The following ZNF366 variants were observed in gnomAD, a reference collection of about 807,000 sequenced individuals.
ZNF366 encodes zinc finger protein 366, also known as dendritic cell-specific transcript protein.
A neutral mutation model predicts 47.2 loss-of-function variants in ZNF366; 20 were observed. That is an observed-to-expected ratio of 0.42 (90% CI 0.30 to 0.62). ZNF366 has a LOEUF of 0.62. Among genes scored for constraint, ZNF366 ranks in the 20% least tolerant of loss-of-function variants. The probability of loss-of-function intolerance (pLI) is 0.16; values close to 1 mark genes in which losing one functional copy is unlikely to be tolerated. For synonymous variants in ZNF366, 421 were observed against 395.1 expected (o/e 1.07, Z -0.78); for missense variants, 987 against 976.3 (o/e 1.01, Z -0.15).
At chr5:72,447,998 C>T (rs941210251) in intron 3 of ZNF366, among the ~76,000 whole-genome samples, 10 of 152,172 alleles carry the variant, frequency 6.6e-5, no homozygotes. Flanking sequence ...AACCACCAGA[C>T]CATACTGTGC....
At chr5:72,506,735 T>C (rs77953046) in intron 1 of ZNF366, among the ~76,000 whole-genome samples, 1 of 152,184 alleles carries the variant, frequency 6.6e-6, no homozygotes, top group Non-Finnish European at 1.5e-5. Context: ...TCTCTTTCCC[T>C]TCTACTTCAG....
Position 72,443,881 on chromosome 5 carries a change from C to A in ZNF366, c.2110G>T (p.Ala704Ser). 6.2e-7 allele frequency: 1 copy of A among 1,614,212 alleles called. No individual in the cohort carries two copies. Among genetic ancestry groups the A allele is most frequent in the African/African-American group, 1.3e-5 (1 of 75,056 alleles). Reference sequence around the variant, plus strand: ...GGGCCCCGCCGGGTACTCTGAAAAGCCCTGAGACTGAGACACTCATCTCTG... The same window carrying A: ...GGGCCCCGCCGGGTACTCTGAAAAGACCTGAGACTGAGACACTCATCTCTG... The part of the protein sequence containing the change: ...AGRDECLSLR[A>S]FQSTRRGPSF... Residue 704 changes from alanine to serine, a missense_variant, in exon 5 of 5, where the codon GCT becomes TCT. By Grantham distance (99) the Ala-to-Ser change is moderately conservative. Transcript: ENST00000318442.
chr5:72,458,840 T>G (rs908662471), intron 2 of ZNF366, among the ~76,000 whole-genome samples: 1 of 152,246 alleles, frequency 6.6e-6, no homozygotes, highest in Admixed American at 6.5e-5. Flanking sequence ...TAATTAAAAT[T>G]CAAATGAAAC....
At chr5:72,479,833 A>C (rs1743757136) in intron 1 of ZNF366, among the ~76,000 whole-genome samples, 1 of 152,250 alleles carries the variant, frequency 6.6e-6, no homozygotes, top group African/African-American at 2.4e-5. Context: ...GACAGCTTAG[A>C]TGACTGGAAG....
intron 1 of ZNF366, among the ~76,000 whole-genome samples, chr5:72,496,794 A>T (rs1411314165): frequency 6.6e-6 from 1 of 152,126 alleles, no homozygotes; most frequent in Non-Finnish European, 1.5e-5. Context: ...CCTTACCAAT[A>T]CTTCATATTT....
intron 1 of ZNF366, chr5:72,493,526 T>A (rs1355454796): frequency 6.6e-6 from 1 of 152,160 alleles, no homozygotes; most frequent in Non-Finnish European, 1.5e-5. Flanking sequence ...CTATTATAGG[T>A]AGCAATTGAA....
intron 1 of ZNF366, among the ~76,000 whole-genome samples, chr5:72,481,784 T>C (rs1743794315): frequency 6.6e-6 from 1 of 152,230 alleles, no homozygotes; most frequent in African/African-American, 2.4e-5. Flanking sequence ...TTCATGACGT[T>C]GTGCTAACTT....
Position 72,461,131 on chromosome 5 carries a change from G to A in ZNF366, c.366C>T (p.Pro122=), listed in dbSNP as rs1323603455. 6.2e-7 allele frequency: 1 copy of A among 1,613,968 alleles called. No homozygotes were observed. The highest frequency in any genetic ancestry group is 2.2e-5 in the East Asian group (1 of 44,882). ...GGTCGATCATCTGAGAGTCATACTT[G>A]GGGCGCGGGGGCTGCGGGAACAGCA... is the stretch of plus-strand genomic sequence containing the variant. ...LPLLFPQPPR[P]KYDSQMIDLC... is the part of the protein sequence containing the mutation. Residue 122 remains proline, a synonymous_variant, in exon 2 of 5, where the codon CCC becomes CCT. Coordinates refer to ENST00000318442, the MANE Select transcript of ZNF366 (RefSeq NM_152625.3).
At chr5:72,488,662 A>C (rs749385416) in intron 1 of ZNF366, among the ~76,000 whole-genome samples, 99 of 152,336 alleles carry the variant, frequency 6.5e-4, no homozygotes, top group Admixed American at 2.9e-3. Context: ...ACAGTGATTT[A>C]GATTTTGCTT....
At chr5:72,462,530 T>TC (rs1374306640) in intron 1 of ZNF366, among the ~76,000 whole-genome samples, 5 of 79,924 alleles carry the variant, frequency 6.3e-5, no homozygotes, top group African/African-American at 3.0e-4. Flanking sequence ...TTTCTTTCTT[T>TC]CTTTCTTTCT....
intron 1 of ZNF366, among the ~76,000 whole-genome samples, chr5:72,475,869 G>A (rs1453177912): frequency 3.9e-5 from 6 of 152,130 alleles, no homozygotes; most frequent in African/African-American, 4.8e-5. Flanking sequence ...ATCTGGCCTC[G>A]GGGAACACGG....
intron 1 of ZNF366, among the ~76,000 whole-genome samples, chr5:72,486,688 T>C (rs1743897555): frequency 6.6e-6 from 1 of 152,212 alleles, no homozygotes; most frequent in Non-Finnish European, 1.5e-5. Context: ...AGGCCTTCTT[T>C]AGCTCAGGAA....
intron 1 of ZNF366, among the ~76,000 whole-genome samples, chr5:72,504,551 C>T (rs1744284467): frequency 6.6e-6 from 1 of 151,980 alleles, no homozygotes; most frequent in Admixed American, 6.6e-5. Flanking sequence ...ATACATTAAA[C>T]TCTACACTCT....
At chr5:72,471,902 TC>T (rs1743573073) in intron 1 of ZNF366, among the ~76,000 whole-genome samples, 2 of 152,140 alleles carry the variant, frequency 1.3e-5, no homozygotes, top group Non-Finnish European at 2.9e-5. Context: ...CCCAGGCTGG[TC>T]TTGAACTCCT....
chr5:72,504,070 C>T (rs899117686), intron 1 of ZNF366, among the ~76,000 whole-genome samples: 6 of 151,826 alleles, frequency 4.0e-5, no homozygotes, highest in East Asian at 1.9e-4. Context: ...CACACACGCA[C>T]GCACACACAC....
intron 1 of ZNF366, among the ~76,000 whole-genome samples, chr5:72,495,022 G>T (rs1188864254): frequency 6.6e-6 from 1 of 152,108 alleles, no homozygotes; most frequent in African/African-American, 2.4e-5. Context: ...GACTCCAGGG[G>T]ATGGAATCTT....
intron 2 of ZNF366, among the ~76,000 whole-genome samples, chr5:72,457,703 G>A (rs1408899867): frequency 6.6e-6 from 1 of 152,178 alleles, no homozygotes; most frequent in African/African-American, 2.4e-5. Context: ...TTTACTGGCT[G>A]TAAAACCTTA....
chr5:72,497,192 C>T lies in ZNF366; in HGVS notation c.-15+10059G>A, dbSNP rs373185390. 3.3e-5 allele frequency among the ~76,000 whole-genome samples: 5 copies of T among 152,026 alleles called. No homozygotes were observed. The East Asian group carries it at 7.7e-4, about 23-fold the overall frequency. ...TTTTCATGTATTTCATGTTTTGCGT[C>T]GTAACTAAGAAATCTTTGCCTAAGC... On this transcript the variant is annotated intron_variant, in intron 1 of 4. Transcript: ENST00000318442.
intron 4 of ZNF366, among the ~76,000 whole-genome samples, chr5:72,444,601 A>G (rs1742924438): frequency 1.4e-5 from 2 of 142,142 alleles, no homozygotes; most frequent in Non-Finnish European, 3.2e-5. Context: ...GTGGATGCAT[A>G]TCACCATATT....
Sources: allele counts gnomAD v4.1 joint callset (sites outside exome capture counted in the v4.1 genomes callset), GRCh38; gene constraint gnomAD v4.1.1; transcripts MANE v1.5; gene names NCBI Gene and HGNC (gene_info 2026-07-23, HGNC 2026-07-21).